AKT3: variants seen among roughly 807,000 people sequenced by gnomAD.
AKT3 encodes AKT serine/threonine kinase 3.
In AKT3, 15 loss-of-function variants were observed where a neutral mutation model predicts 65.3. The ratio of observed to expected loss-of-function variants is 0.23; its 90% CI spans 0.15 to 0.35. The LOEUF (loss-of-function observed/expected upper bound fraction) is 0.35. Ranked by LOEUF, AKT3 falls within the 10% of genes least tolerant of loss-of-function variation. The probability of loss-of-function intolerance (pLI) is 1.00; values close to 1 mark genes in which losing one functional copy is unlikely to be tolerated. For synonymous variants in AKT3, 206 were observed against 183.8 expected, an observed-to-expected ratio of 1.12 and a Z score of -0.98; for missense variants, 243 against 576.5, an observed-to-expected ratio of 0.42 and a Z score of 5.92.
intron 2 of AKT3, among the ~76,000 whole-genome samples, chr1:243,770,875 G>A (rs930643359): frequency 6.6e-6 from 1 of 152,088 alleles, no homozygotes. Context: ...TAGAAACAGA[G>A]TCTGCCTGCT....
chr1:243,731,760 G>A (rs1211910425), intron 2 of AKT3, among the ~76,000 whole-genome samples: 3 of 152,148 alleles, frequency 2.0e-5, no homozygotes, highest in Non-Finnish European at 4.4e-5. Flanking sequence ...TCCAGCTCCT[G>A]TTTATTAGCT....
At chr1:243,585,178 G>C (rs966052187) in intron 8 of AKT3, among the ~76,000 whole-genome samples, 10 of 151,876 alleles carry the variant, frequency 6.6e-5, no homozygotes, top group African/African-American at 2.2e-4. Context: ...ATCTAACCAA[G>C]AAGGTAAAAG....
intron 3 of AKT3, among the ~76,000 whole-genome samples, chr1:243,684,376 C>G (rs1372726882): frequency 6.6e-6 from 1 of 152,022 alleles, no homozygotes; most frequent in Non-Finnish European, 1.5e-5. Context: ...TCTCACTGTT[C>G]AACTCCCACT....
intron 7 of AKT3, 146 bp downstream of exon 7, chr1:243,614,950 T>C: frequency 3.2e-6 from 2 of 629,376 alleles, no homozygotes; most frequent in East Asian, 2.8e-5. Context: ...TACATTCTAA[T>C]AAGTTATAAG....
At chr1:243,815,664 C>A (rs1456240459) in intron 2 of AKT3, among the ~76,000 whole-genome samples, 5 of 146,644 alleles carry the variant, frequency 3.4e-5, no homozygotes, top group Non-Finnish European at 7.4e-5. Context: ...TTAGCACAAT[C>A]TTAGCTCACT....
intron 2 of AKT3, among the ~76,000 whole-genome samples, chr1:243,804,558 T>C (rs1692599055): frequency 6.6e-6 from 1 of 152,162 alleles, no homozygotes; most frequent in Admixed American, 6.5e-5. Context: ...AAGAATACAA[T>C]ATACATGGCC....
chr1:243,627,664 T>C (rs1397176043), intron 6 of AKT3, among the ~76,000 whole-genome samples: 1 of 152,132 alleles, frequency 6.6e-6, no homozygotes, highest in Admixed American at 6.5e-5. Flanking sequence ...ATCCAGCAAA[T>C]ACCCCAGGGT....
intron 2 of AKT3, among the ~76,000 whole-genome samples, chr1:243,782,849 GTATTT>G (rs1377949024): frequency 6.6e-6 from 1 of 151,990 alleles, no homozygotes; most frequent in East Asian, 1.9e-4. Context: ...AGAACTTTAG[GTATTT>G]TATAAGGAAA....
At chr1:243,810,721 A>C (rs1693080726) in intron 2 of AKT3, among the ~76,000 whole-genome samples, 1 of 151,896 alleles carries the variant, frequency 6.6e-6, no homozygotes, top group South Asian at 2.1e-4. Flanking sequence ...GAGACACAAC[A>C]AAAAAAAGAG....
At chr1:243,622,221 C>G (rs1678809695) in intron 6 of AKT3, among the ~76,000 whole-genome samples, 1 of 152,194 alleles carries the variant, frequency 6.6e-6, no homozygotes, top group Non-Finnish European at 1.5e-5. Context: ...GCTATTTCCC[C>G]TTGCTGGAAC....
intron 2 of AKT3, among the ~76,000 whole-genome samples, chr1:243,758,510 G>C (rs1027146016): frequency 6.6e-6 from 1 of 152,164 alleles, no homozygotes; most frequent in Non-Finnish European, 1.5e-5. Context: ...TGAGATCAGA[G>C]AGGTAATGAG....
chr1:243,844,066 T>C (rs1160067054), intron 1 of AKT3, among the ~76,000 whole-genome samples: 1 of 152,196 alleles, frequency 6.6e-6, no homozygotes, highest in Non-Finnish European at 1.5e-5. Context: ...GATTTCATAT[T>C]ATGTACTTAT....
chr1:243,710,949 G>A (rs1056658853), intron 2 of AKT3, among the ~76,000 whole-genome samples: 3 of 152,176 alleles, frequency 2.0e-5, no homozygotes, highest in Non-Finnish European at 2.9e-5. Flanking sequence ...AGTACTGGCC[G>A]TAGCAGAGAA....
At chr1:243,706,087 C>G (rs1398993434) in intron 2 of AKT3, among the ~76,000 whole-genome samples, 1 of 152,156 alleles carries the variant, frequency 6.6e-6, no homozygotes, top group East Asian at 1.9e-4. Flanking sequence ...ATGGCATATA[C>G]ACTGCAGTAA....
Position 243,557,127 on chromosome 1 carries a change from G to T in AKT3, c.949-4184C>A, listed in dbSNP as rs540628088. 2.6e-5 allele frequency among the ~76,000 whole-genome samples: 4 copies of T among 152,122 alleles called. No homozygotes were observed. In the South Asian group the frequency reaches 8.3e-4, roughly 32 times the overall value. ...GGAAAAATCCTTTGACAAGAGAAAG[G>T]CTAAATGGATACAATAATGATGATT... On this transcript the variant is annotated intron_variant, in intron 10 of 13. Coordinates refer to ENST00000673466, the MANE Select transcript of AKT3 (RefSeq NM_005465.7).
rs182070691 is a variant in AKT3 at position 243,600,426 on chromosome 1, G to T, written c.696+13245C>A. Among the ~76,000 whole-genome samples, 357 of 152,252 alleles carry T rather than the reference G, an allele frequency of 2.3e-3. 1 individual carries two copies. Among genetic ancestry groups the T allele is most frequent in the Admixed American group, 7.7e-3 (117 of 15,294 alleles). On this transcript the variant is annotated intron_variant, in intron 8 of 13. Coordinates refer to ENST00000673466, the MANE Select transcript of AKT3 (RefSeq NM_005465.7). ...AACACTTATTCTAAAGTAAGTGTGT[G>T]GCATAGTGAAGACAGTGTGGTATAG...
At chr1:243,641,804 C>T (rs924585182) in intron 5 of AKT3, among the ~76,000 whole-genome samples, 1 of 152,020 alleles carries the variant, frequency 6.6e-6, no homozygotes, top group African/African-American at 2.4e-5. Flanking sequence ...AGTGCAGTGG[C>T]AGGTGTCTGT....
chr1:243,734,032 T>C (rs1687701536), intron 2 of AKT3, among the ~76,000 whole-genome samples: 1 of 152,144 alleles, frequency 6.6e-6, no homozygotes, highest in Admixed American at 6.5e-5. Context: ...TGGCATGAAC[T>C]CTCAACAGAA....
intron 12 of AKT3, among the ~76,000 whole-genome samples, chr1:243,541,026 C>A (rs547102499): frequency 5.9e-5 from 9 of 152,278 alleles, no homozygotes; most frequent in East Asian, 5.8e-4. Flanking sequence ...TTTTCCAGAT[C>A]TCTCCACTGT....
Sources: gnomAD v4.1 joint callset for allele counts (sites outside exome capture counted in the v4.1 genomes callset) on GRCh38, gnomAD v4.1.1 for gene constraint, MANE v1.5 for transcripts, NCBI Gene and HGNC (gene_info 2026-07-23, HGNC 2026-07-21) for gene names.